The following DLGAP2 variants were observed in gnomAD, a reference collection of about 807,000 sequenced individuals.
DLGAP2 encodes the protein DLG associated protein 2.
DLGAP2 carries 26 observed loss-of-function variants against 100.3 expected under a neutral mutation model. The ratio of observed to expected loss-of-function variants is 0.26; its 90% confidence interval spans 0.19 to 0.36. DLGAP2 has a LOEUF of 0.36. Among genes scored for constraint, DLGAP2 ranks in the 10% least tolerant of loss-of-function variants. The pLI is 1.00. For missense variants in DLGAP2, 1,858 were observed against 1,453.2 expected (o/e 1.28, Z -4.53); for synonymous variants, 886 against 630.1 (o/e 1.41, Z -6.08).
chr8:892,365 C>A (rs1382984528), intron 1 of DLGAP2, among the ~76,000 whole-genome samples: 2 of 152,090 alleles, frequency 1.3e-5, no homozygotes, highest in African/African-American at 2.4e-5. Flanking sequence ...CATGAGTCAG[C>A]CTCAAAGAGG....
intron 1 of DLGAP2, among the ~76,000 whole-genome samples, chr8:869,313 T>C (rs1270549136): frequency 6.6e-6 from 1 of 152,164 alleles, no homozygotes; most frequent in Non-Finnish European, 1.5e-5. Flanking sequence ...ATGAAGTGAG[T>C]TGAAGGTACT....
At chr8:1,505,057 T>A (rs933303537) in intron 4 of DLGAP2, among the ~76,000 whole-genome samples, 3 of 152,188 alleles carry the variant, frequency 2.0e-5, no homozygotes, top group East Asian at 3.8e-4. Flanking sequence ...TGAGTTATGT[T>A]CCCAACACTA....
At chr8:1,161,903 A>T (rs957252892) in intron 2 of DLGAP2, among the ~76,000 whole-genome samples, 9 of 152,098 alleles carry the variant, frequency 5.9e-5, no homozygotes, top group African/African-American at 2.2e-4. Context: ...CGTGGTTCCC[A>T]CCCTTGGGGC....
chr8:1,028,100 G>A (rs1269672998), intron 2 of DLGAP2, among the ~76,000 whole-genome samples: 2 of 137,140 alleles, frequency 1.5e-5, no homozygotes. Context: ...CAGGTGGGGT[G>A]CCAGGGGCCC....
chr8:1,202,112 T>C (rs1797889826), intron 2 of DLGAP2, among the ~76,000 whole-genome samples: 1 of 151,912 alleles, frequency 6.6e-6, no homozygotes, highest in Non-Finnish European at 1.5e-5. Context: ...GTGTACAGCA[T>C]CTGTGTATCT....
At chr8:1,548,520 C>T in intron 4 of DLGAP2, 106 bp from the exon 5 acceptor site, 1 of 825,186 alleles carries the variant, frequency 1.2e-6, no homozygotes, top group Non-Finnish European at 1.7e-6. Flanking sequence ...CCAGGCCAGA[C>T]ATGGACACTG....
intron 2 of DLGAP2, chr8:1,248,577 G>C (rs1163854963): frequency 7.1e-6 from 1 of 140,894 alleles, no homozygotes; most frequent in South Asian, 2.5e-4. Context: ...CGGTGGCTCG[G>C]AAGACCTTTG....
At chr8:923,110 C>T (rs10503153) in intron 2 of DLGAP2, among the ~76,000 whole-genome samples, 16,378 of 152,186 alleles carry the variant, frequency 0.11, 1,340 homozygotes, top group Admixed American at 0.25. Context: ...CAAGTTACTA[C>T]GGAACAAGTT....
rs1267743526 is a variant in DLGAP2, at chr8:948,062, G to A, written c.73+40096G>A. Among the ~76,000 whole-genome samples the A allele has an allele frequency of 2.0e-5, 3 of 149,616 alleles. No individual in the cohort carries two copies. The East Asian group carries it at 6.0e-4, about 30-fold the overall frequency. On this transcript the variant is annotated intron_variant, in intron 2 of 14. Transcript: ENST00000637795. ...TGCGTCATGACCCCACCGCGTGTGCGCCATGGCTTCCCCGACCCCATGCCA... is the reference window on the plus strand; with the variant it reads ...TGCGTCATGACCCCACCGCGTGTGCACCATGGCTTCCCCGACCCCATGCCA...
intron 2 of DLGAP2, among the ~76,000 whole-genome samples, chr8:1,022,248 C>G (rs530316658): frequency 6.8e-6 from 1 of 147,786 alleles, no homozygotes; most frequent in Admixed American, 6.7e-5. Context: ...GACACTCCAG[C>G]CGCCACCCAT....
chr8:1,230,365 G>A (rs943575830), intron 2 of DLGAP2, among the ~76,000 whole-genome samples: 3 of 152,064 alleles, frequency 2.0e-5, no homozygotes, highest in African/African-American at 7.2e-5. Flanking sequence ...ATCATAGATG[G>A]CACAAGCAAC....
chr8:1,636,011 G>T (rs146080462), intron 8 of DLGAP2, among the ~76,000 whole-genome samples: 2 of 152,140 alleles, frequency 1.3e-5, no homozygotes, highest in African/African-American at 4.8e-5. Flanking sequence ...GCATATAAAC[G>T]TTCCTTCGTC....
At chr8:1,217,815 G>A (rs1798243116) in intron 2 of DLGAP2, among the ~76,000 whole-genome samples, 1 of 152,122 alleles carries the variant, frequency 6.6e-6, no homozygotes, top group South Asian at 2.1e-4. Flanking sequence ...GTGTGAGAGG[G>A]TATCTCATTG....
chr8:928,973 C>CT lies in DLGAP2; in HGVS notation c.73+21007_73+21008insT, dbSNP rs1432018969. Among the ~76,000 whole-genome samples, 10 of 143,452 alleles carry CT rather than the reference C, an allele frequency of 7.0e-5. No homozygotes were observed. The Admixed American group carries it at 7.0e-4, about 10-fold the overall frequency. 94.1% of individuals were successfully genotyped at this position (143,452 alleles called of 152,430 possible). A position where few individuals can be genotyped will look rare whatever the true frequency, so the allele number is the denominator to read the frequency against. ...TCTCTGGAAAGATGAAGACCCCCCC[C>CT]GCCATTCCCACTCTAAACATCCCAG... On this transcript the variant is annotated intron_variant, in intron 2 of 14. Transcript: ENST00000637795.
chr8:982,016 T>C (rs1038875537), intron 2 of DLGAP2, among the ~76,000 whole-genome samples: 4 of 152,218 alleles, frequency 2.6e-5, no homozygotes, highest in East Asian at 1.9e-4. Flanking sequence ...GCTGTCCTTT[T>C]GCTCCTCCAC....
Position 1,417,302 on chromosome 8 carries a change from G to A in DLGAP2, c.107-84064G>A, listed in dbSNP as rs140757599. ...GAGGAGAGACCGGCGTTCATTTAGC[G>A]TCTGCGGGGTGCCCAGGTTCGACAG... is the stretch of plus-strand genomic sequence containing the variant. On this transcript the variant is annotated intron_variant, in intron 3 of 14. Transcript: ENST00000637795. Among the ~76,000 whole-genome samples the A allele has an allele frequency of 1.6e-4, 24 of 152,214 alleles. No homozygotes were observed. The East Asian group carries it at 4.6e-3, about 29-fold the overall frequency.
chr8:896,184 A>T (rs938975914), intron 1 of DLGAP2, among the ~76,000 whole-genome samples: 1 of 81,454 alleles, frequency 1.2e-5, no homozygotes, highest in Admixed American at 1.3e-4. Context: ...CAGTGGTGAG[A>T]GGTGTCAATC....
At chr8:1,537,134 C>T (rs1801180397) in intron 4 of DLGAP2, among the ~76,000 whole-genome samples, 1 of 152,174 alleles carries the variant, frequency 6.6e-6, no homozygotes, top group African/African-American at 2.4e-5. Context: ...ACCCCTGCAG[C>T]TCTGCAGCCT....
At chr8:1,670,688 GA>G (rs538060235) in intron 10 of DLGAP2, among the ~76,000 whole-genome samples, 72 of 151,260 alleles carry the variant, frequency 4.8e-4, no homozygotes, top group African/African-American at 1.6e-3. Flanking sequence ...ATGGCAGTAA[GA>G]AAAAAAAACG....
Sources: allele counts gnomAD v4.1 joint callset (sites outside exome capture counted in the v4.1 genomes callset), GRCh38; gene constraint gnomAD v4.1.1; transcripts MANE v1.5; gene names NCBI Gene and HGNC (gene_info 2026-07-23, HGNC 2026-07-21).